The following EDIL3 variants were observed in gnomAD, a reference collection of about 807,000 sequenced individuals.
EDIL3 encodes EGF like and discoidin domains 3, also known as EGF-like repeat and discoidin I-like domain-containing protein 3.
A neutral mutation model predicts 67.4 loss-of-function variants in EDIL3; 37 were observed. The ratio of observed to expected loss-of-function variants is 0.55; its 90% confidence interval spans 0.42 to 0.72. The LOEUF is 0.72. EDIL3 is among the 30% of genes least tolerant of loss of function. EDIL3 has a pLI of 0.00. For missense variants in EDIL3, 527 were observed against 586.3 expected (o/e 0.90, Z 1.04); for synonymous variants, 195 against 196.3 (o/e 0.99, Z 0.05).
At chr5:84,189,669 C>T (rs1743538409) in intron 3 of EDIL3, among the ~76,000 whole-genome samples, 2 of 152,074 alleles carry the variant, frequency 1.3e-5, no homozygotes, top group East Asian at 3.9e-4. Flanking sequence ...TAAACCACTA[C>T]TTGCATAATG....
intron 3 of EDIL3, among the ~76,000 whole-genome samples, chr5:84,227,448 G>A (rs1272278390): frequency 6.6e-6 from 1 of 152,096 alleles, no homozygotes; most frequent in African/African-American, 2.4e-5. Context: ...CAAGGCTGTG[G>A]AGAAAAGGGA....
At chr5:84,046,814 A>T (rs1014789319) in intron 9 of EDIL3, among the ~76,000 whole-genome samples, 7 of 152,204 alleles carry the variant, frequency 4.6e-5, no homozygotes, top group Non-Finnish European at 7.3e-5. Context: ...TCTAATTTGC[A>T]TTATCATAAA....
intron 2 of EDIL3, among the ~76,000 whole-genome samples, chr5:84,235,357 A>G (rs527956410): frequency 2.6e-5 from 4 of 152,164 alleles, no homozygotes; most frequent in Non-Finnish European, 4.4e-5. Context: ...TTTGCATAGA[A>G]AATGCTTGAA....
intron 6 of EDIL3, among the ~76,000 whole-genome samples, chr5:84,104,281 T>C (rs1365680986): frequency 1.3e-5 from 2 of 151,726 alleles, no homozygotes; most frequent in East Asian, 3.9e-4. Flanking sequence ...TAATGGATAC[T>C]AGGCTTAATA....
chr5:84,038,442 G>A (rs1288856744), intron 9 of EDIL3, among the ~76,000 whole-genome samples: 5 of 152,242 alleles, frequency 3.3e-5, no homozygotes, highest in East Asian at 1.9e-4. Flanking sequence ...AGACAATTCC[G>A]ACAAGATGTA....
At chr5:84,133,140 T>A (rs879483985) in intron 5 of EDIL3, among the ~76,000 whole-genome samples, 3 of 152,140 alleles carry the variant, frequency 2.0e-5, no homozygotes, top group Non-Finnish European at 4.4e-5. Flanking sequence ...TCCTAGTTAT[T>A]TTTAGATTAG....
intron 1 of EDIL3, among the ~76,000 whole-genome samples, chr5:84,298,878 T>C (rs907520376): frequency 6.6e-6 from 1 of 152,266 alleles, no homozygotes; most frequent in East Asian, 1.9e-4. Context: ...ATTCGGTCTT[T>C]TGTGGTTGGG....
At chr5:84,244,309 T>A (rs1176195629) in intron 2 of EDIL3, among the ~76,000 whole-genome samples, 1 of 152,128 alleles carries the variant, frequency 6.6e-6, no homozygotes, top group Non-Finnish European at 1.5e-5. Context: ...TTTGAAGCAG[T>A]CTCTCTCTTT....
chr5:84,184,086 C>G (rs942476585), intron 3 of EDIL3, among the ~76,000 whole-genome samples: 5 of 151,988 alleles, frequency 3.3e-5, no homozygotes, highest in Non-Finnish European at 5.9e-5. Flanking sequence ...AGCCTGGGCT[C>G]CAAGAGCAAA....
At chr5:84,291,027 T>G (rs1580057872) in intron 1 of EDIL3, among the ~76,000 whole-genome samples, 1 of 152,170 alleles carries the variant, frequency 6.6e-6, no homozygotes, top group Non-Finnish European at 1.5e-5. Flanking sequence ...GGTCACATTA[T>G]AATCTCCTTG....
chr5:84,251,028 ACT>A (rs749853710), intron 2 of EDIL3, among the ~76,000 whole-genome samples: 9 of 152,056 alleles, frequency 5.9e-5, no homozygotes, highest in African/African-American at 1.2e-4. Context: ...ATTCCAATAC[ACT>A]CTGTTTCCTG....
intron 9 of EDIL3, among the ~76,000 whole-genome samples, chr5:83,990,900 A>C: frequency 6.7e-6 from 1 of 149,720 alleles, no homozygotes; most frequent in Admixed American, 6.6e-5. Flanking sequence ...TAAATAAATA[A>C]ATAAATAAAT....
intron 4 of EDIL3, among the ~76,000 whole-genome samples, chr5:84,172,958 T>C (rs1748838071): frequency 6.6e-6 from 1 of 152,178 alleles, no homozygotes; most frequent in South Asian, 2.1e-4. Context: ...CTGTCTCCTT[T>C]GCTGGCTCTG....
intron 9 of EDIL3, among the ~76,000 whole-genome samples, chr5:83,987,149 C>G (rs892730287): frequency 3.3e-5 from 5 of 152,126 alleles, no homozygotes; most frequent in African/African-American, 1.2e-4. Context: ...CAGGCCTTCC[C>G]TCTAGCACCA....
chr5:84,361,131 G>T (rs1367988260), intron 1 of EDIL3, among the ~76,000 whole-genome samples: 1 of 152,006 alleles, frequency 6.6e-6, no homozygotes, highest in Non-Finnish European at 1.5e-5. Flanking sequence ...GACAAGCGAT[G>T]GTTGTGATGA....
intron 1 of EDIL3, among the ~76,000 whole-genome samples, chr5:84,290,130 C>T (rs1299932433): frequency 6.6e-6 from 1 of 152,120 alleles, no homozygotes; most frequent in Non-Finnish European, 1.5e-5. Flanking sequence ...TACTCATTCT[C>T]CTGCCCAATA....
chr5:84,316,967 C>T (rs559631655), intron 1 of EDIL3, among the ~76,000 whole-genome samples: 2 of 152,048 alleles, frequency 1.3e-5, no homozygotes, highest in African/African-American at 2.4e-5. Context: ...CACTCAAAAC[C>T]GCACAACTAC....
intron 1 of EDIL3, among the ~76,000 whole-genome samples, chr5:84,344,662 T>C (rs918465577): frequency 6.6e-6 from 1 of 152,134 alleles, no homozygotes; most frequent in Non-Finnish European, 1.5e-5. Context: ...ATGTCATTAA[T>C]GTTTTTATAC....
At position 84,270,715 on chromosome 5, in the gene EDIL3, A is replaced by G. The variant is rs1156864271; in HGVS notation, c.68-16503T>C. On this transcript the variant is annotated intron_variant, in intron 1 of 10. Transcript: ENST00000296591. ...ATGAACTTCACAATCATCATAGGCC[A>G]TGAATGCTACTATTGTCACCATTTT... is the stretch of plus-strand genomic sequence containing the variant. Among the ~76,000 whole-genome samples the G allele has an allele frequency of 3.9e-5, 6 of 152,228 alleles. No homozygotes were observed. The South Asian group carries it at 8.3e-4, about 21-fold the overall frequency.
Sources: allele counts gnomAD v4.1 joint callset (sites outside exome capture counted in the v4.1 genomes callset), GRCh38; gene constraint gnomAD v4.1.1; transcripts MANE v1.5; gene names NCBI Gene and HGNC (gene_info 2026-07-23, HGNC 2026-07-21).